Variants in C19orf47 observed in about 807,000 individuals in gnomAD.
C19orf47 encodes uncharacterized protein C19orf47.
Under a neutral mutation model 32.3 loss-of-function variants are expected in C19orf47, and 18 were observed. The ratio of observed to expected loss-of-function variants is 0.56; its 90% CI spans 0.39 to 0.83. C19orf47 has a LOEUF of 0.83. Ranked by LOEUF, C19orf47 falls within the 40% of genes least tolerant of loss-of-function variation. The probability of loss-of-function intolerance (pLI) is 0.00; values close to 1 mark genes in which losing one functional copy is unlikely to be tolerated. For synonymous variants in C19orf47, 202 were observed against 211.1 expected, an observed-to-expected ratio of 0.96 and a Z score of 0.37; for missense variants, 484 against 531.6, an observed-to-expected ratio of 0.91 and a Z score of 0.88.
chr19:40,311,858 T>C, the C19orf47 span, among the ~76,000 whole-genome samples: 1 of 152,124 alleles, frequency 6.6e-6, no homozygotes, highest in Non-Finnish European at 1.5e-5. Context: ...GGTTTCACCA[T>C]GTTGGCCAGG....
intron 5 of C19orf47, 82 bp downstream of exon 5, chr19:40,333,769 G>T: frequency 8.8e-7 from 1 of 1,133,088 alleles, no homozygotes; most frequent in Non-Finnish European, 1.2e-6. Flanking sequence ...AATTACAGGC[G>T]GGGATGGGAT....
At chr19:40,316,597 C>T (rs532180785), downstream of C19orf47, among the ~76,000 whole-genome samples, 2 of 152,298 alleles carry the variant, frequency 1.3e-5, no homozygotes, top group East Asian at 3.9e-4. Context: ...ACTCCTCCAG[C>T]GGTCTCCAGC....
At chr19:40,297,701 GAAAAA>G in the C19orf47 span, among the ~76,000 whole-genome samples, 22 of 110,858 alleles carry the variant, frequency 2.0e-4, no homozygotes, top group African/African-American at 9.5e-4. Flanking sequence ...CTCCGTCTCG[GAAAAA>G]AAAAAAAAAA....
intron 2 of C19orf47, among the ~76,000 whole-genome samples, chr19:40,336,619 G>A (rs2078071168): frequency 6.6e-6 from 1 of 152,164 alleles, no homozygotes; most frequent in Non-Finnish European, 1.5e-5. Flanking sequence ...TGAGGAAAAT[G>A]AGATAGGGAA....
chr19:40,313,611 C>T, the C19orf47 span, among the ~76,000 whole-genome samples: 1 of 152,232 alleles, frequency 6.6e-6, no homozygotes, highest in African/African-American at 2.4e-5. Context: ...AGGCATGAGC[C>T]ACCATGCCCA....
chr19:40,300,866 A>C, the C19orf47 span, among the ~76,000 whole-genome samples: 3 of 152,098 alleles, frequency 2.0e-5, no homozygotes, highest in African/African-American at 7.2e-5. Context: ...AAAACTGCTG[A>C]CTCGACTAGG....
At chr19:40,336,453 G>GTCCTCTTTGCT (rs2078068358) in intron 2 of C19orf47, 46 bp from the exon 3 acceptor site, 1 of 1,533,682 alleles carries the variant, frequency 6.5e-7, no homozygotes, top group African/African-American at 1.4e-5. Context: ...CCTCTTTAGA[G>GTCCTCTTTGCT]AATAGCATTA....
chr19:40,311,568 A>T, the C19orf47 span, among the ~76,000 whole-genome samples: 2 of 152,050 alleles, frequency 1.3e-5, no homozygotes, highest in Admixed American at 6.6e-5. Flanking sequence ...AAATAAAAAT[A>T]AAAAATAAAC....
intron 7 of C19orf47, among the ~76,000 whole-genome samples, chr19:40,325,707 A>C (rs1189373194): frequency 6.6e-6 from 1 of 152,238 alleles, no homozygotes; most frequent in Non-Finnish European, 1.5e-5. Context: ...TGGTCTGGAA[A>C]GGTTAACAAG....
chr19:40,313,103 C>T, the C19orf47 span, among the ~76,000 whole-genome samples: 2 of 152,166 alleles, frequency 1.3e-5, no homozygotes, highest in Non-Finnish European at 2.9e-5. Flanking sequence ...CCACAACCTA[C>T]CAAACTATTT....
the C19orf47 span, among the ~76,000 whole-genome samples, chr19:40,300,676 A>G: frequency 3.3e-5 from 5 of 152,144 alleles, no homozygotes; most frequent in East Asian, 7.7e-4. Flanking sequence ...TTGCTCATCA[A>G]TAGTGTTTTG....
In C19orf47 at chr19:40,321,927, C is replaced by G. The variant is rs779467811; in HGVS notation, c.1113G>C (p.Ala371=). 1 of 1,612,924 alleles carries G rather than the reference C, an allele frequency of 6.2e-7. No individual in the cohort carries two copies. Among genetic ancestry groups the G allele is most frequent in the Non-Finnish European group, 8.5e-7 (1 of 1,179,762 alleles). The change falls in exon 9 of 9, where the codon GCG becomes GCC. Residue 371 remains alanine (A), a synonymous_variant. Transcript: ENST00000683109. Reference sequence around the variant, plus strand: ...GTCTTTTGAACACGCTCACAGTGCCCGCGTGGTCCATCTGGGCACCAAGGC... The same window carrying G: ...GTCTTTTGAACACGCTCACAGTGCCGGCGTGGTCCATCTGGGCACCAAGGC... ...SEGLGAQMDH[A]GTVSVFKRLG...
intron 2 of C19orf47, among the ~76,000 whole-genome samples, chr19:40,337,228 C>T (rs1043548708): frequency 4.6e-5 from 7 of 151,750 alleles, no homozygotes; most frequent in African/African-American, 1.7e-4. Context: ...CAATGAGAAC[C>T]TCCATATAAA....
chr19:40,335,962 A>G (rs1440547052), intron 4 of C19orf47, 148 bp downstream of exon 4: 4 of 667,630 alleles, frequency 6.0e-6, no homozygotes, highest in Non-Finnish European at 7.7e-6. Context: ...AGGTTGGGCA[A>G]TGTGCCCAGC....
intron 8 of C19orf47, among the ~76,000 whole-genome samples, chr19:40,323,608 C>T (rs2077766731): frequency 6.6e-6 from 1 of 152,192 alleles, no homozygotes. Context: ...CGAGACCATT[C>T]AGGAGGCTAT....
chr19:40,316,131 G>A (rs1485043211), downstream of C19orf47, among the ~76,000 whole-genome samples: 1 of 152,196 alleles, frequency 6.6e-6, no homozygotes, highest in Non-Finnish European at 1.5e-5. Flanking sequence ...ACTAACTCAG[G>A]TCAGATGCCC....
At position 40,333,837 on chromosome 19, in the gene C19orf47, T is replaced by C. The variant is rs2078004568; in HGVS notation, c.301+14A>G. ...AAAAATCAAGGAAAAGAGGCCTGAA[T>C]AGTTAGGACTCACCACTGGTGCCAC... On this transcript the variant is annotated intron_variant, in intron 5 of 8. Coordinates refer to ENST00000683109, the MANE Select transcript of C19orf47 (RefSeq NM_001256441.2). The C allele has an allele frequency of 3.9e-6, 6 of 1,540,886 alleles. No homozygotes were observed. In the African/African-American group the frequency reaches 6.9e-5, roughly 18 times the overall value.
At chr19:40,303,621 G>A in the C19orf47 span, among the ~76,000 whole-genome samples, 6 of 151,166 alleles carry the variant, frequency 4.0e-5, no homozygotes, top group African/African-American at 7.3e-5. Context: ...TGGCTAACAC[G>A]GTAAAACCCC....
chr19:40,329,517 G>C (rs1419259037), intron 5 of C19orf47, among the ~76,000 whole-genome samples: 2 of 151,924 alleles, frequency 1.3e-5, no homozygotes, highest in African/African-American at 2.4e-5. Flanking sequence ...AAAACAGGGG[G>C]GAAAAAGAAA....
Sources: allele counts gnomAD v4.1 joint callset (sites outside exome capture counted in the v4.1 genomes callset), GRCh38; gene constraint gnomAD v4.1.1; transcripts MANE v1.5; gene names NCBI Gene and HGNC (gene_info 2026-07-23, HGNC 2026-07-21).